CDK6: variants seen among roughly 807,000 people sequenced by gnomAD.
CDK6 encodes the protein cyclin-dependent kinase 6.
A neutral mutation model predicts 37.1 loss-of-function variants in CDK6; 6 were observed. The observed-to-expected ratio is 0.16, with a 90% CI of 0.09 to 0.32. The LOEUF is 0.32. Ranked by LOEUF, CDK6 falls within the 10% of genes least tolerant of loss-of-function variation. CDK6 has a pLI of 1.00. For synonymous variants in CDK6, 160 were observed against 161.3 expected (o/e 0.99, Z 0.06); for missense variants, 224 against 418.9 (o/e 0.53, Z 4.06).
intron 3 of CDK6, among the ~76,000 whole-genome samples, chr7:92,770,932 A>G (rs1183289812): frequency 6.6e-6 from 1 of 152,002 alleles, no homozygotes; most frequent in Non-Finnish European, 1.5e-5. Context: ...TCTATTTTAT[A>G]TATATTTCAT....
chr7:92,702,070 T>G (rs1242599991), intron 4 of CDK6, among the ~76,000 whole-genome samples: 1 of 152,134 alleles, frequency 6.6e-6, no homozygotes, highest in Non-Finnish European at 1.5e-5. Flanking sequence ...TGATCACTGT[T>G]GGTGGTAGTG....
At chr7:92,625,813 G>C (rs1223823755) in intron 5 of CDK6, among the ~76,000 whole-genome samples, 1 of 151,930 alleles carries the variant, frequency 6.6e-6, no homozygotes, top group Non-Finnish European at 1.5e-5. Flanking sequence ...TGCATAACAG[G>C]GGATGAAAGT....
chr7:92,649,716 T>C (rs1220662704), intron 5 of CDK6, among the ~76,000 whole-genome samples: 1 of 152,198 alleles, frequency 6.6e-6, no homozygotes, highest in African/African-American at 2.4e-5. Context: ...GCCAAGGCTA[T>C]ACAGCTAGTA....
At chr7:92,668,986 T>G (rs111255808) in intron 5 of CDK6, among the ~76,000 whole-genome samples, 10 of 152,258 alleles carry the variant, frequency 6.6e-5, no homozygotes, top group Non-Finnish European at 1.5e-5. Flanking sequence ...TACTTTCTTA[T>G]GTGCACATTT....
At chr7:92,751,278 T>C (rs760752911) in intron 3 of CDK6, among the ~76,000 whole-genome samples, 3 of 152,190 alleles carry the variant, frequency 2.0e-5, no homozygotes, top group Non-Finnish European at 4.4e-5. Context: ...ATGAATCTCC[T>C]ACTTTGGATA....
chr7:92,725,545 T>C (rs938880818), intron 4 of CDK6, 81 bp downstream of exon 4: 2 of 1,417,894 alleles, frequency 1.4e-6, no homozygotes, highest in African/African-American at 2.9e-5. Context: ...AGTACTAACA[T>C]TAGAGACATG....
chr7:92,688,836 A>T (rs897781351), intron 4 of CDK6, among the ~76,000 whole-genome samples: 1 of 152,196 alleles, frequency 6.6e-6, no homozygotes, highest in Non-Finnish European at 1.5e-5. Context: ...AGCTTAGTTA[A>T]GGGGCAAACC....
At chr7:92,674,011 C>T (rs1797149708) in intron 4 of CDK6, among the ~76,000 whole-genome samples, 1 of 151,546 alleles carries the variant, frequency 6.6e-6, no homozygotes. Context: ...AACTCCTGAG[C>T]TCAGGCAATC....
At chr7:92,670,205 A>G (rs1472712016) in intron 5 of CDK6, among the ~76,000 whole-genome samples, 2 of 152,236 alleles carry the variant, frequency 1.3e-5, no homozygotes, top group South Asian at 4.1e-4. Flanking sequence ...TAAGAAAGGT[A>G]GCATAAAAGA....
chr7:92,647,382 A>G (rs1796476966), intron 5 of CDK6, among the ~76,000 whole-genome samples: 2 of 152,242 alleles, frequency 1.3e-5, no homozygotes, highest in African/African-American at 4.8e-5. Context: ...CTTTAAGGAA[A>G]TAACATTTAA....
intron 4 of CDK6, among the ~76,000 whole-genome samples, chr7:92,709,363 C>A (rs1212241139): frequency 6.6e-6 from 1 of 152,002 alleles, no homozygotes; most frequent in Non-Finnish European, 1.5e-5. Flanking sequence ...CACACCTTTC[C>A]CTGTGCTTTG....
At chr7:92,674,697 T>C (rs1035151772) in intron 4 of CDK6, among the ~76,000 whole-genome samples, 40 of 152,342 alleles carry the variant, frequency 2.6e-4, no homozygotes, top group African/African-American at 8.7e-4. Flanking sequence ...CTTGAGTGGT[T>C]GACAGAAATA....
chr7:92,764,428 C>T (rs1187315894), intron 3 of CDK6, among the ~76,000 whole-genome samples: 1 of 152,184 alleles, frequency 6.6e-6, no homozygotes, highest in African/African-American at 2.4e-5. Context: ...TGCACCACTG[C>T]GCCCAGCCCA....
At chr7:92,705,678 T>C (rs1797949626) in intron 4 of CDK6, among the ~76,000 whole-genome samples, 1 of 152,200 alleles carries the variant, frequency 6.6e-6, no homozygotes, top group Admixed American at 6.5e-5. Flanking sequence ...AACCACACCT[T>C]TACCTTGAAT....
Position 92,833,512 on chromosome 7 carries a change from C to T in CDK6, c.-189G>A. 1 of 565,004 alleles carries T rather than the reference C, an allele frequency of 1.8e-6. No homozygotes were observed. Among genetic ancestry groups the T allele is most frequent in the South Asian group, 2.2e-5 (1 of 44,986 alleles). The allele number at this position is 565,004 out of a possible 1,614,324, so 35.0% of individuals were successfully genotyped here. A position where few individuals can be genotyped will look rare whatever the true frequency, so the allele number is the denominator to read the frequency against. ...CAGAAGCTGGATGGAGAGACCTCCC[C>T]GCGGGGCTGGCGTAACCCTGGTGCC... On this transcript the variant is annotated 5_prime_UTR_variant, in exon 2 of 8. Transcript: ENST00000424848. This position sits in a 1 kb window ranked among gnomAD's most constrained non-coding sequence, Gnocchi z 6.1.
intron 5 of CDK6, among the ~76,000 whole-genome samples, chr7:92,649,034 G>T (rs1041293425): frequency 1.3e-5 from 2 of 151,526 alleles, no homozygotes; most frequent in African/African-American, 4.9e-5. Flanking sequence ...ATTTTAAGAG[G>T]CATATCTTGA....
intron 3 of CDK6, among the ~76,000 whole-genome samples, chr7:92,742,691 C>A (rs1466321657): frequency 1.3e-5 from 2 of 149,594 alleles, no homozygotes; most frequent in African/African-American, 4.9e-5. Context: ...TCTTTTTTTT[C>A]TGAATTTACC....
Position 92,671,351 on chromosome 7 carries a change from T to C in CDK6, c.647+75A>G, listed in dbSNP as rs982375102. The C allele has an allele frequency of 1.9e-5, 18 of 925,872 alleles. No homozygotes were observed. In the East Asian group the frequency reaches 3.4e-4, roughly 17 times the overall value. The allele number at this position is 925,872 out of a possible 1,614,324, so 57.4% of individuals were successfully genotyped here. ...ATGACCCCTAATGATAGAAATGCCA[T>C]GCTGCCACTCAAATTCACAAAGATC... On this transcript the variant is annotated intron_variant, in intron 5 of 7. Coordinates refer to ENST00000424848, the MANE Select transcript of CDK6 (RefSeq NM_001145306.2).
chr7:92,700,156 G>A (rs1401801616), intron 4 of CDK6, among the ~76,000 whole-genome samples: 1 of 152,204 alleles, frequency 6.6e-6, no homozygotes, highest in Non-Finnish European at 1.5e-5. Context: ...AAAAGTTGAG[G>A]AGTATGAAAC....
Sources: allele counts gnomAD v4.1 joint callset (sites outside exome capture counted in the v4.1 genomes callset), GRCh38; gene constraint gnomAD v4.1.1; non-coding constraint Gnocchi (gnomAD v3.1); transcripts MANE v1.5; gene names NCBI Gene and HGNC (gene_info 2026-07-23, HGNC 2026-07-21).